Variants in SULT1B1 observed in about 807,000 individuals in gnomAD.
The protein encoded by SULT1B1 is sulfotransferase family 1B member 1.
SULT1B1 carries 28 observed loss-of-function variants against 34.6 expected under a neutral mutation model. The observed-to-expected ratio is 0.81, with a 90% CI of 0.60 to 1.11. The LOEUF is 1.11. Among genes scored for constraint, SULT1B1 ranks in the 50% least tolerant of loss-of-function variants. The pLI, the probability that SULT1B1 is intolerant of heterozygous loss-of-function variation, is 0.00. For missense variants in SULT1B1, 374 were observed against 352.2 expected, an observed-to-expected ratio of 1.06 and a Z score of -0.50; for synonymous variants, 147 against 110.2, an observed-to-expected ratio of 1.33 and a Z score of -2.09.
chr4:69,747,486 A>T (rs1398492318), intron 4 of SULT1B1, among the ~76,000 whole-genome samples: 3 of 152,166 alleles, frequency 2.0e-5, no homozygotes. Context: ...CACAGAGAGG[A>T]ATGGTCAGAT....
intron 4 of SULT1B1, among the ~76,000 whole-genome samples, chr4:69,736,176 G>T (rs545725336): frequency 2.3e-4 from 35 of 152,176 alleles, no homozygotes; most frequent in Admixed American, 7.8e-4. Context: ...CCTATCTAGA[G>T]GGGAATCACA....
chr4:69,742,654 G>A (rs772950899), intron 4 of SULT1B1, among the ~76,000 whole-genome samples: 4 of 152,298 alleles, frequency 2.6e-5, no homozygotes, highest in East Asian at 1.9e-4. Context: ...GGCCAGTGGC[G>A]CCTTTGTCCA....
intron 4 of SULT1B1, among the ~76,000 whole-genome samples, chr4:69,742,970 C>T (rs1718608744): frequency 1.3e-5 from 2 of 152,212 alleles, no homozygotes; most frequent in African/African-American, 2.4e-5. Context: ...CAGTGGCACC[C>T]AGAAGCTTGG....
chr4:69,727,995 T>C (rs1243164629), intron 7 of SULT1B1, among the ~76,000 whole-genome samples: 2 of 152,040 alleles, frequency 1.3e-5, no homozygotes, highest in Non-Finnish European at 2.9e-5. Flanking sequence ...AGTGGTTTGA[T>C]AAAACTTCCA....
rs114465633 is a variant in SULT1B1 at position 69,745,834 on chromosome 4, T to A, written c.375+3887A>T. 3.8e-3 allele frequency among the ~76,000 whole-genome samples: 578 copies of A among 152,300 alleles called. 4 individuals carry two copies. The highest frequency in any genetic ancestry group is 5.2e-3 in the Non-Finnish European group (351 of 68,022). On this transcript the variant is annotated intron_variant, in intron 4 of 7. Coordinates refer to ENST00000310613, the MANE Select transcript of SULT1B1 (RefSeq NM_014465.4). The stretch of plus-strand genomic sequence containing the variant: ...TTCTGTGTATTTAGGTATGTTTTTG[T>A]GGTAGTTGGTATGTCTTTTGCTTCC...
Position 69,758,136 on chromosome 4 carries a change from T to C in SULT1B1, c.-45+2323A>G, listed in dbSNP as rs149246095. Among the ~76,000 whole-genome samples, 820 of 152,294 alleles carry C rather than the reference T, an allele frequency of 5.4e-3. 8 individuals carry two copies. Among genetic ancestry groups the C allele is most frequent in the African/African-American group, 0.019 (789 of 41,576 alleles). Reference sequence around the variant, plus strand: ...CTCCAGCATGAAATACTGTGGAACATGTTAGCAGCTCAAGAAAGGAACAAT... The same window carrying C: ...CTCCAGCATGAAATACTGTGGAACACGTTAGCAGCTCAAGAAAGGAACAAT... On this transcript the variant is annotated intron_variant, in intron 1 of 7. Transcript: ENST00000310613.
At chr4:69,734,053 A>C in intron 5 of SULT1B1, 85 bp downstream of exon 5, 1 of 1,139,660 alleles carries the variant, frequency 8.8e-7, no homozygotes. Context: ...TGGAAAAATA[A>C]GTATTTTGAA....
chr4:69,733,834 A>G (rs1046609088), intron 5 of SULT1B1, among the ~76,000 whole-genome samples: 21 of 152,274 alleles, frequency 1.4e-4, no homozygotes, highest in African/African-American at 4.1e-4. Context: ...ATATGCATTA[A>G]CAGATCTAAC....
intron 6 of SULT1B1, among the ~76,000 whole-genome samples, chr4:69,733,054 G>C (rs184452301): frequency 5.9e-5 from 9 of 152,030 alleles, no homozygotes; most frequent in Admixed American, 4.6e-4. Flanking sequence ...AACAATAAGC[G>C]TGGAAGGGGT....
intron 4 of SULT1B1, among the ~76,000 whole-genome samples, chr4:69,739,057 A>G (rs1412110853): frequency 1.3e-5 from 2 of 152,186 alleles, no homozygotes; most frequent in Non-Finnish European, 2.9e-5. Flanking sequence ...CACCCCTATG[A>G]CTTTGCAAGG....
At chr4:69,745,087 G>A (rs928450934) in intron 4 of SULT1B1, among the ~76,000 whole-genome samples, 8 of 152,146 alleles carry the variant, frequency 5.3e-5, no homozygotes, top group East Asian at 1.9e-4. Context: ...GCTGTGGCCC[G>A]AGAGTATGGT....
chr4:69,725,572 G>A lies in SULT1B1; in HGVS notation c.*1516C>T, dbSNP rs902643053. ...TGCTGCTATAAAGACACATGCACAC[G>A]TATATTTATTGCGGCACTATTCACA... On this transcript the variant is annotated 3_prime_UTR_variant, in exon 8 of 8. Coordinates refer to ENST00000310613, the MANE Select transcript of SULT1B1 (RefSeq NM_014465.4). The A allele has an allele frequency of 9.2e-5, 14 of 152,162 alleles. No homozygotes were observed. The highest frequency in any genetic ancestry group is 3.4e-3 in the Middle Eastern group (1 of 294). 9.4% of individuals were successfully genotyped at this position (152,162 alleles called of 1,614,324 possible).
Position 69,725,135 on chromosome 4 carries a change from TA to T in SULT1B1, c.*1952del, listed in dbSNP as rs1176062186. On this transcript the variant is annotated 3_prime_UTR_variant, in exon 8 of 8. Coordinates refer to ENST00000310613, the MANE Select transcript of SULT1B1 (RefSeq NM_014465.4). ...GCAATCTACTCATCTGACAAAGGGC[TA>T]ATATCCAGAATCTACAAAGAACTCA... 6.6e-6 allele frequency: 1 copy of T among 151,596 alleles called. No individual in the cohort carries two copies. The highest frequency in any genetic ancestry group is 2.4e-5 in the African/African-American group (1 of 41,108). The allele number at this position is 151,596 out of a possible 1,614,324, so 9.4% of individuals were successfully genotyped here.
In SULT1B1 at chr4:69,726,502, AT is replaced by A. The variant is rs1236915013; in HGVS notation, c.*585del. 1 of 151,956 alleles carries A rather than the reference AT, an allele frequency of 6.6e-6. No homozygotes were observed. The highest frequency in any genetic ancestry group is 1.5e-5 in the Non-Finnish European group (1 of 67,948). 9.4% of individuals were successfully genotyped at this position (151,956 alleles called of 1,614,324 possible). A position where few individuals can be genotyped will look rare whatever the true frequency, so the allele number is the denominator to read the frequency against. ...GCGTTTGCCTTTCGGAGACTTAGACATTAGGTATGATATAGAAAAAAGATTT... is the reference window on the plus strand; with the variant it reads ...GCGTTTGCCTTTCGGAGACTTAGACATAGGTATGATATAGAAAAAAGATTT... On this transcript the variant is annotated 3_prime_UTR_variant, in exon 8 of 8. Transcript: ENST00000310613.
At chr4:69,735,093 C>G (rs1186586306) in intron 4 of SULT1B1, among the ~76,000 whole-genome samples, 1 of 152,160 alleles carries the variant, frequency 6.6e-6, no homozygotes, top group East Asian at 1.9e-4. Flanking sequence ...GCTGGGATTA[C>G]AGGCATGAAC....
intron 4 of SULT1B1, among the ~76,000 whole-genome samples, chr4:69,748,570 G>A (rs1472517192): frequency 3.3e-5 from 5 of 152,170 alleles, no homozygotes; most frequent in Non-Finnish European, 7.4e-5. Context: ...AGAAGAATAT[G>A]CAACCTGCTC....
At chr4:69,729,324 G>A (rs1454030464) in intron 7 of SULT1B1, among the ~76,000 whole-genome samples, 2 of 152,100 alleles carry the variant, frequency 1.3e-5, no homozygotes, top group East Asian at 3.9e-4. Flanking sequence ...CCACCCACAT[G>A]TTTTGAGTGC....
At chr4:69,737,217 A>AAT (rs1435834390) in intron 4 of SULT1B1, among the ~76,000 whole-genome samples, 1 of 152,208 alleles carries the variant, frequency 6.6e-6, no homozygotes, top group Non-Finnish European at 1.5e-5. Context: ...TGCAGAAAGT[A>AAT]ATATATTGTC....
At chr4:69,747,415 A>T (rs1718793280) in intron 4 of SULT1B1, among the ~76,000 whole-genome samples, 1 of 152,230 alleles carries the variant, frequency 6.6e-6, no homozygotes, top group South Asian at 2.1e-4. Flanking sequence ...GTGCTTCGGC[A>T]GGGCAGCTGA....
Sources: allele counts gnomAD v4.1 joint callset (sites outside exome capture counted in the v4.1 genomes callset), GRCh38; gene constraint gnomAD v4.1.1; transcripts MANE v1.5; gene names NCBI Gene and HGNC (gene_info 2026-07-23, HGNC 2026-07-21).